The following HHIPL2 variants were observed in gnomAD, a reference collection of about 807,000 sequenced individuals.
HHIPL2 encodes the protein HHIP like 2.
Under a neutral mutation model 61.0 loss-of-function variants are expected in HHIPL2, and 61 were observed. The observed-to-expected ratio is 1.00, with a 90% CI of 0.81 to 1.24. The LOEUF (loss-of-function observed/expected upper bound fraction) is 1.24. Among genes scored for constraint, HHIPL2 ranks in the 50% most tolerant of loss-of-function variants. HHIPL2 has a pLI of 0.00. For synonymous variants in HHIPL2, 343 were observed against 357.4 expected (o/e 0.96, Z 0.45); for missense variants, 885 against 910.2 (o/e 0.97, Z 0.36).
chr1:222,523,005 C>A, intron 8 of HHIPL2, 118 bp from the exon 9 acceptor site: 1 of 822,562 alleles, frequency 1.2e-6, no homozygotes, highest in Non-Finnish European at 1.8e-6. Context: ...ACTTTTAATT[C>A]TCTAACTGGC....
intron 2 of HHIPL2, 69 bp from the exon 3 acceptor site, chr1:222,542,224 C>G (rs953841248): frequency 1.9e-6 from 3 of 1,559,230 alleles, no homozygotes; most frequent in African/African-American, 1.4e-5. Context: ...CTTGAGATAC[C>G]CAGAAATGAC....
chr1:222,532,081 T>C lies in HHIPL2; in HGVS notation c.1608A>G (p.Lys536=), dbSNP rs1659204406. The change falls in exon 6 of 9, where the codon AAA becomes AAG. Residue 536 remains lysine, a synonymous_variant. Coordinates refer to ENST00000343410, the MANE Select transcript of HHIPL2 (RefSeq NM_024746.4). ...GATCCTGCTTCTTCCATTTCTTGTTTTTTCTATCTTCCTGCAAAGCCATAA... is the reference window on the plus strand; with the variant it reads ...GATCCTGCTTCTTCCATTTCTTGTTCTTTCTATCTTCCTGCAAAGCCATAA... ...GRLMALQEDR[K]NKKWKKQDLC... is the part of the protein sequence containing the mutation. The C allele has an allele frequency of 6.2e-7, 1 of 1,613,886 alleles. No homozygotes were observed. Among genetic ancestry groups the C allele is most frequent in the South Asian group, 1.1e-5 (1 of 91,058 alleles).
At position 222,538,423 on chromosome 1, in the gene HHIPL2, C is replaced by CAGAG. The variant is rs369750527; in HGVS notation, c.1577+221_1577+224dup. Among the ~76,000 whole-genome samples the CAGAG allele has an allele frequency of 8.3e-4, 122 of 147,226 alleles. 1 individual carries two copies. Among genetic ancestry groups the CAGAG allele is most frequent in the South Asian group, 1.3e-3 (6 of 4,586 alleles). On this transcript the variant is annotated intron_variant, in intron 5 of 8. Coordinates refer to ENST00000343410, the MANE Select transcript of HHIPL2 (RefSeq NM_024746.4). ...GTGAGCCCCTGGTATGAGAGAGAGA[C>CAGAG]AGAGAGAGAGAGAGAGAGAGAGAGA...
At chr1:222,532,152 T>C in intron 5 of HHIPL2, 41 bp from the exon 6 acceptor site, 1 of 1,571,354 alleles carries the variant, frequency 6.4e-7, no homozygotes, top group Non-Finnish European at 8.7e-7. Flanking sequence ...AATCCATATA[T>C]CCACTCTGCA....
chr1:222,538,909 G>A, intron 4 of HHIPL2, 135 bp from the exon 5 acceptor site: 1 of 772,656 alleles, frequency 1.3e-6, no homozygotes, highest in Non-Finnish European at 2.1e-6. Context: ...AGTAGGACAG[G>A]CAAGCAAGTG....
intron 1 of HHIPL2, 82 bp downstream of exon 1, chr1:222,547,642 C>T (rs753947176): frequency 2.3e-5 from 28 of 1,234,126 alleles, no homozygotes; most frequent in Non-Finnish European, 3.1e-5. Flanking sequence ...AAGGGCTGGG[C>T]TCCCAAAGCA....
chr1:222,537,505 C>T (rs1302086212), intron 5 of HHIPL2, among the ~76,000 whole-genome samples: 1 of 151,168 alleles, frequency 6.6e-6, no homozygotes, highest in Non-Finnish European at 1.5e-5. Flanking sequence ...GTGGCAGGCG[C>T]CTGTAGTCCC....
At chr1:222,535,452 T>C (rs1659282081) in intron 5 of HHIPL2, among the ~76,000 whole-genome samples, 1 of 152,188 alleles carries the variant, frequency 6.6e-6, no homozygotes, top group Admixed American at 6.5e-5. Context: ...TTACGACAAC[T>C]TTGTGGCTTA....
intron 3 of HHIPL2, 31 bp downstream of exon 3, chr1:222,541,981 G>C: frequency 6.4e-7 from 1 of 1,573,672 alleles, no homozygotes; most frequent in South Asian, 1.2e-5. Context: ...TCACTCTGAA[G>C]GGACAAGGGC....
chr1:222,542,043 G>A lies in HHIPL2; in HGVS notation c.1087C>T (p.Pro363Ser). 1.2e-6 allele frequency: 2 copies of A among 1,613,826 alleles called. No individual in the cohort carries two copies. The highest frequency in any genetic ancestry group is 8.5e-7 in the Non-Finnish European group (1 of 1,179,956). ...FTGDGGQAGD[P>S]FGLFGNAQNK... ...TGAGCATTTCCAAACAGGCCAAAGGGATCTCCAGCCTGTCCCCCGTCCCCA... is the reference window on the plus strand; with the variant it reads ...TGAGCATTTCCAAACAGGCCAAAGGAATCTCCAGCCTGTCCCCCGTCCCCA... Residue 363 changes from proline to serine, a missense_variant, in exon 3 of 9, where the codon CCC becomes TCC. Physicochemically the swap from Pro to Ser is moderately conservative, Grantham distance 74. Coordinates refer to ENST00000343410, the MANE Select transcript of HHIPL2 (RefSeq NM_024746.4).
chr1:222,547,340 G>C (rs943772316), intron 1 of HHIPL2, among the ~76,000 whole-genome samples: 1 of 152,160 alleles, frequency 6.6e-6, no homozygotes, highest in African/African-American at 2.4e-5. Flanking sequence ...CCCTTAACGC[G>C]CTCGGTAAAT....
chr1:222,523,635 CG>C lies in HHIPL2; in HGVS notation c.1864del (p.Arg622GlyfsTer15), dbSNP rs781343466. 21 of 1,613,984 alleles carry C rather than the reference CG, an allele frequency of 1.3e-5. No individual in the cohort carries two copies. Among genetic ancestry groups the C allele is most frequent in the Non-Finnish European group, 1.8e-5 (21 of 1,180,018 alleles). The stretch of plus-strand genomic sequence containing the variant: ...ACTGGCGAGTGGTCTGAACGGGATC[CG>C]CTTACTCTTGGTTCTCACGGGCACT... ...KPVPVRTKSK[R>X]IPFRPLAKTV... On this transcript the variant is annotated frameshift_variant, in exon 8 of 9. Transcript: ENST00000343410. LOFTEE classifies it low-confidence loss of function (END_TRUNC).
Position 222,543,542 on chromosome 1 carries a change from T to C in HHIPL2, c.969A>G (p.Ser323=). The C allele has an allele frequency of 6.2e-7, 1 of 1,610,376 alleles. No homozygotes were observed. The highest frequency in any genetic ancestry group is 8.5e-7 in the Non-Finnish European group (1 of 1,177,468). The change falls in exon 2 of 9, where the codon TCA becomes TCG. Residue 323 remains serine, a synonymous_variant. Transcript: ENST00000343410. Reference sequence around the variant, plus strand: ...CTCTCATGAGTACCTCTCACCTCTCTGATTTCAGGTCAGCTTTGTTAGGAT... The same window carrying C: ...CTCTCATGAGTACCTCTCACCTCTCCGATTTCAGGTCAGCTTTGTTAGGAT... The part of the protein sequence containing the change: ...RADPNKADLK[S]ERVILEIEEP...
chr1:222,524,770 T>C (rs1659024783), intron 7 of HHIPL2, among the ~76,000 whole-genome samples: 1 of 152,224 alleles, frequency 6.6e-6, no homozygotes, highest in African/African-American at 2.4e-5. Context: ...AAAGACAAGC[T>C]GAATAAGTAA....
At position 222,538,635 on chromosome 1, in the gene HHIPL2, A is replaced by T; in HGVS notation, c.1577+13T>A. 6.2e-7 allele frequency: 1 copy of T among 1,609,976 alleles called. No individual in the cohort carries two copies. Among genetic ancestry groups the T allele is most frequent in the South Asian group, 1.1e-5 (1 of 90,504 alleles). ...AATAAAAAGAGGGAGAAGGGACATC[A>T]GTCCTTCCTTACCCACTCATGAAGT... On this transcript the variant is annotated intron_variant, in intron 5 of 8. Coordinates refer to ENST00000343410, the MANE Select transcript of HHIPL2 (RefSeq NM_024746.4).
At chr1:222,524,018 G>A (rs1264386463) in intron 7 of HHIPL2, 2 of 305,052 alleles carry the variant, frequency 6.6e-6, no homozygotes, top group Admixed American at 9.3e-5. Flanking sequence ...TCTATCAAAT[G>A]CAAAAACTAA....
chr1:222,543,207 A>G (rs1276093785), intron 2 of HHIPL2, among the ~76,000 whole-genome samples: 1 of 152,248 alleles, frequency 6.6e-6, no homozygotes, highest in African/African-American at 2.4e-5. Flanking sequence ...CTAATGGCAC[A>G]TAATAATCAG....
At chr1:222,530,789 T>C (rs1659170838) in intron 6 of HHIPL2, among the ~76,000 whole-genome samples, 1 of 152,150 alleles carries the variant, frequency 6.6e-6, no homozygotes, top group Non-Finnish European at 1.5e-5. Flanking sequence ...TTGTTTTCTG[T>C]TGTTTAATTA....
chr1:222,533,141 G>C (rs983296335), intron 5 of HHIPL2, among the ~76,000 whole-genome samples: 6 of 152,128 alleles, frequency 3.9e-5, no homozygotes, highest in Non-Finnish European at 7.4e-5. Flanking sequence ...GAGGCGGGTG[G>C]ATCACCTGAG....
Sources: gnomAD v4.1 joint callset for allele counts (sites outside exome capture counted in the v4.1 genomes callset) on GRCh38, gnomAD v4.1.1 for gene constraint, MANE v1.5 for transcripts, NCBI Gene and HGNC (gene_info 2026-07-23, HGNC 2026-07-21) for gene names.